Variants in ARHGAP15 observed in about 807,000 individuals in gnomAD.
The protein encoded by ARHGAP15 is Rho GTPase activating protein 15.
A neutral mutation model predicts 63.7 loss-of-function variants in ARHGAP15; 51 were observed. The ratio of observed to expected loss-of-function variants is 0.80; its 90% CI spans 0.64 to 1.01. The LOEUF (loss-of-function observed/expected upper bound fraction) is 1.01. Among genes scored for constraint, ARHGAP15 ranks in the 50% least tolerant of loss-of-function variants. The probability of loss-of-function intolerance (pLI) is 0.00; values close to 1 mark genes in which losing one functional copy is unlikely to be tolerated. For missense variants in ARHGAP15, 560 were observed against 564.6 expected, an observed-to-expected ratio of 0.99 and a Z score of 0.08; for synonymous variants, 191 against 193.8, an observed-to-expected ratio of 0.99 and a Z score of 0.12.
chr2:143,284,508 T>C (rs1317474800), intron 6 of ARHGAP15, among the ~76,000 whole-genome samples: 2 of 152,106 alleles, frequency 1.3e-5, no homozygotes, highest in African/African-American at 2.4e-5. Context: ...TAAAAGACAA[T>C]TGGAAAATAT....
intron 8 of ARHGAP15, among the ~76,000 whole-genome samples, chr2:143,455,332 C>T (rs1311167935): frequency 6.6e-6 from 1 of 152,054 alleles, no homozygotes; most frequent in Non-Finnish European, 1.5e-5. Flanking sequence ...TAAGGACGAC[C>T]AAAGGTCACT....
At chr2:143,230,899 C>T (rs748682323) in intron 5 of ARHGAP15, among the ~76,000 whole-genome samples, 6 of 152,128 alleles carry the variant, frequency 3.9e-5, no homozygotes, top group Non-Finnish European at 7.4e-5. Context: ...TCTGCCCTTT[C>T]CTCCTAGGGG....
chr2:143,442,755 A>AT (rs201358496), intron 8 of ARHGAP15, among the ~76,000 whole-genome samples: 74 of 151,240 alleles, frequency 4.9e-4, no homozygotes, highest in Middle Eastern at 3.4e-3. Context: ...CTATTGTTTC[A>AT]TTTTTTTTTG....
chr2:143,270,879 CAT>C (rs1311487159), intron 6 of ARHGAP15, among the ~76,000 whole-genome samples: 1 of 152,132 alleles, frequency 6.6e-6, no homozygotes, highest in Non-Finnish European at 1.5e-5. Flanking sequence ...GTTAGAAAAA[CAT>C]ATTTATCAGT....
chr2:143,639,352 A>C (rs757258856), intron 12 of ARHGAP15, among the ~76,000 whole-genome samples: 3 of 152,152 alleles, frequency 2.0e-5, no homozygotes, highest in Non-Finnish European at 4.4e-5. Context: ...TCTGTATCCA[A>C]GGCAACATTA....
intron 12 of ARHGAP15, among the ~76,000 whole-genome samples, chr2:143,653,972 G>A (rs1681302974): frequency 6.6e-6 from 1 of 152,154 alleles, no homozygotes; most frequent in Admixed American, 6.5e-5. Context: ...TTTTAAACAA[G>A]TACATGACAT....
intron 8 of ARHGAP15, among the ~76,000 whole-genome samples, chr2:143,452,480 G>A (rs1479286298): frequency 6.6e-6 from 1 of 151,838 alleles, no homozygotes; most frequent in Admixed American, 6.6e-5. Context: ...CTTGGATTGG[G>A]CGCATTAACA....
chr2:143,764,745 T>C (rs915609278), intron 13 of ARHGAP15, among the ~76,000 whole-genome samples: 4 of 152,208 alleles, frequency 2.6e-5, no homozygotes, highest in Non-Finnish European at 5.9e-5. Flanking sequence ...GGCTCCCAGA[T>C]ACCTTAATCT....
intron 11 of ARHGAP15, among the ~76,000 whole-genome samples, chr2:143,567,716 T>C (rs138843156): frequency 2.0e-5 from 3 of 152,200 alleles, no homozygotes; most frequent in South Asian, 2.1e-4. Context: ...ATGTGAATTA[T>C]ATGAATTTCC....
chr2:143,216,650 C>A (rs1692769169), intron 4 of ARHGAP15, among the ~76,000 whole-genome samples: 1 of 152,160 alleles, frequency 6.6e-6, no homozygotes, highest in Non-Finnish European at 1.5e-5. Context: ...GAACAGAACA[C>A]ATAAATGAGA....
At chr2:143,662,539 C>T (rs1285816588) in intron 12 of ARHGAP15, among the ~76,000 whole-genome samples, 1 of 139,318 alleles carries the variant, frequency 7.2e-6, no homozygotes, top group Non-Finnish European at 1.6e-5. Flanking sequence ...CAGTTCCTCA[C>T]CAGCAACGGA....
chr2:143,389,912 T>G (rs1229509697), intron 6 of ARHGAP15, among the ~76,000 whole-genome samples: 1 of 151,928 alleles, frequency 6.6e-6, no homozygotes, highest in Non-Finnish European at 1.5e-5. Context: ...GCAATGGCCC[T>G]ACTCCTTTTG....
At chr2:143,588,756 C>A (rs1325698387) in intron 11 of ARHGAP15, among the ~76,000 whole-genome samples, 1 of 152,130 alleles carries the variant, frequency 6.6e-6, no homozygotes, top group African/African-American at 2.4e-5. Context: ...AGGAATTCTC[C>A]CACAAATAAA....
chr2:143,306,844 C>A (rs1201228686), intron 6 of ARHGAP15, among the ~76,000 whole-genome samples: 2 of 152,156 alleles, frequency 1.3e-5, no homozygotes, highest in African/African-American at 4.8e-5. Context: ...TCTATTGCTA[C>A]ATCACAAATC....
intron 11 of ARHGAP15, among the ~76,000 whole-genome samples, chr2:143,575,510 A>C (rs941328758): frequency 2.0e-5 from 3 of 152,122 alleles, no homozygotes; most frequent in Admixed American, 1.3e-4. Flanking sequence ...GGTGCAGGAA[A>C]GAGAGGAGGC....
intron 9 of ARHGAP15, among the ~76,000 whole-genome samples, chr2:143,498,794 T>G (rs1214164491): frequency 6.6e-6 from 1 of 152,186 alleles, no homozygotes; most frequent in Non-Finnish European, 1.5e-5. Context: ...CACAGAGACA[T>G]TCCTGGGAGG....
chr2:143,308,151 G>T (rs1683262921), intron 6 of ARHGAP15, among the ~76,000 whole-genome samples: 1 of 152,024 alleles, frequency 6.6e-6, no homozygotes, highest in Non-Finnish European at 1.5e-5. Context: ...AATGGAGAGA[G>T]AAACAGAATG....
chr2:143,458,391 G>A (rs1690761207), intron 8 of ARHGAP15, among the ~76,000 whole-genome samples: 1 of 152,146 alleles, frequency 6.6e-6, no homozygotes, highest in African/African-American at 2.4e-5. Flanking sequence ...ATCTAAGTAG[G>A]ACCAGAGCTT....
chr2:143,741,368 T>C (rs1685956477), intron 13 of ARHGAP15: 1 of 152,254 alleles, frequency 6.6e-6, no homozygotes, highest in South Asian at 2.1e-4. Context: ...TTGATCTTCC[T>C]GATTCAGTGA....
Sources: gnomAD v4.1 joint callset for allele counts (sites outside exome capture counted in the v4.1 genomes callset) on GRCh38, gnomAD v4.1.1 for gene constraint, MANE v1.5 for transcripts, NCBI Gene and HGNC (gene_info 2026-07-23, HGNC 2026-07-21) for gene names.